RUFY3: variants seen among roughly 807,000 people sequenced by gnomAD.
RUFY3 encodes protein RUFY3.
In RUFY3, 34 loss-of-function variants were observed where a neutral mutation model predicts 84.0. The observed-to-expected ratio is 0.40, with a 90% CI of 0.31 to 0.54. The LOEUF (loss-of-function observed/expected upper bound fraction) is 0.54, where lower values mean the gene tolerates loss of function less well. Among genes scored for constraint, RUFY3 ranks in the 20% least tolerant of loss-of-function variants. The probability of loss-of-function intolerance (pLI) is 0.39; values close to 1 mark genes in which losing one functional copy is unlikely to be tolerated. For synonymous variants in RUFY3, 242 were observed against 252.9 expected (o/e 0.96, Z 0.41); for missense variants, 507 against 736.8 (o/e 0.69, Z 3.61).
rs577122340 is a variant in RUFY3, at chr4:70,791,382, T to A, written c.1337+1790T>A. 2.3e-3 allele frequency: 3,626 copies of A among 1,562,620 alleles called. 11 individuals carry two copies. The highest frequency in any genetic ancestry group is 2.4e-3 in the Non-Finnish European group (2,816 of 1,158,278). The stretch of plus-strand genomic sequence containing the variant: ...AATCTGAAAGTTACTACATTTAAGC[T>A]CTGATTCTATATAAAATGTCACCAA... On this transcript the variant is annotated intron_variant, in intron 12 of 17. Coordinates refer to ENST00000381006, the MANE Select transcript of RUFY3 (RefSeq NM_001037442.4).
At position 70,808,496 on chromosome 4, in the gene RUFY3, T is replaced by TGTC. The variant is rs1733039566; in HGVS notation, c.*1838_*1840dup. Among the ~76,000 whole-genome samples the TGTC allele has an allele frequency of 6.6e-6, 1 of 152,166 alleles. No homozygotes were observed. The highest frequency in any genetic ancestry group is 1.5e-5 in the Non-Finnish European group (1 of 68,024). On this transcript the variant is annotated 3_prime_UTR_variant, in exon 18 of 18. Coordinates refer to ENST00000381006, the MANE Select transcript of RUFY3 (RefSeq NM_001037442.4). ...TGGAACCATGTTTTTTAATAAATTC[T>TGTC]GTCTCTTGGAAAGAGTTAACAACAG...
At chr4:70,783,012 A>G (rs540938359) in intron 8 of RUFY3, 79 bp from the exon 9 acceptor site, 1 of 818,852 alleles carries the variant, frequency 1.2e-6, no homozygotes, top group Non-Finnish European at 1.9e-6. Context: ...TGAGAATTAC[A>G]TCCTAGCAGA....
chr4:70,769,758 G>C (rs1363247941), intron 5 of RUFY3, among the ~76,000 whole-genome samples: 1 of 152,162 alleles, frequency 6.6e-6, no homozygotes, highest in Non-Finnish European at 1.5e-5. Flanking sequence ...TAATACTCTA[G>C]TAAACCATGC....
intron 12 of RUFY3, chr4:70,792,368 T>C (rs772817076): frequency 3.7e-5 from 35 of 956,494 alleles, no homozygotes; most frequent in African/African-American, 1.2e-4. Context: ...GATAAACTTA[T>C]ATTCTTTATT....
At chr4:70,806,477 C>T (rs1397276183) in intron 17 of RUFY3, 39 bp from the exon 18 acceptor site, 2 of 1,610,668 alleles carry the variant, frequency 1.2e-6, no homozygotes, top group Middle Eastern at 1.7e-4. Flanking sequence ...TTATGCCTTG[C>T]TCATCTTCTA....
chr4:70,765,543 G>T (rs535554570), intron 4 of RUFY3, among the ~76,000 whole-genome samples: 1 of 152,198 alleles, frequency 6.6e-6, no homozygotes, highest in South Asian at 2.1e-4. Flanking sequence ...ATGTGTGAAT[G>T]TTGGAATTCA....
rs1226505997 is a variant in RUFY3, at chr4:70,808,538, T to C, written c.*1879T>C. 5.9e-5 allele frequency among the ~76,000 whole-genome samples: 9 copies of C among 152,194 alleles called. No homozygotes were observed. On this transcript the variant is annotated 3_prime_UTR_variant, in exon 18 of 18. Coordinates refer to ENST00000381006, the MANE Select transcript of RUFY3 (RefSeq NM_001037442.4). ...TAACAACAGCCTGGGAAAGAGTTGT[T>C]ATTCCAAAAGTCAGCCTGTTACTTG...
intron 12 of RUFY3, chr4:70,792,147 A>C: frequency 1.0e-6 from 1 of 984,638 alleles, no homozygotes; most frequent in Non-Finnish European, 1.2e-6. Flanking sequence ...ATGATGCAGT[A>C]CCCATTTTTC....
intron 1 of RUFY3, among the ~76,000 whole-genome samples, chr4:70,750,840 T>C (rs761639751): frequency 4.6e-5 from 7 of 152,172 alleles, no homozygotes; most frequent in Non-Finnish European, 8.8e-5. Context: ...AAAAATAAAA[T>C]ATGTGGTCTT....
intron 14 of RUFY3, among the ~76,000 whole-genome samples, chr4:70,798,334 A>C (rs1731782888): frequency 6.6e-6 from 1 of 152,092 alleles, no homozygotes; most frequent in African/African-American, 2.4e-5. Flanking sequence ...ATGCCACTGC[A>C]CTCCAGCCTG....
At chr4:70,796,981 C>T (rs902335389) in intron 14 of RUFY3, among the ~76,000 whole-genome samples, 4 of 150,268 alleles carry the variant, frequency 2.7e-5, no homozygotes, top group Non-Finnish European at 5.9e-5. Flanking sequence ...CTCATTCTCA[C>T]CTAGAACTGA....
Position 70,804,412 on chromosome 4 carries a change from C to T in RUFY3, c.1715C>T (p.Thr572Ile). 1 of 1,613,714 alleles carries T rather than the reference C, an allele frequency of 6.2e-7. No individual in the cohort carries two copies. The highest frequency in any genetic ancestry group is 8.5e-7 in the Non-Finnish European group (1 of 1,179,754). The change falls in exon 17 of 18, where the codon ACA (threonine) becomes ATA (isoleucine). Residue 572 changes from threonine to isoleucine, a missense_variant. By Grantham distance (89) the Thr-to-Ile change is moderately conservative (BLOSUM62 -1). This residue lies in a region of RUFY3 where 334 missense variants were observed against 364.1 expected (regional missense o/e 0.92). Transcript: ENST00000381006. ...CTATGCCAGGAAGACGGCAGCCTAA[C>T]AAAGGTAACTGTGATGAGAAACGGA... The part of the protein sequence containing the change: ...CQLCQEDGSL[T>I]KNVCKNCSGT...
intron 1 of RUFY3, among the ~76,000 whole-genome samples, chr4:70,744,205 T>C (rs980969999): frequency 2.6e-5 from 4 of 152,132 alleles, no homozygotes; most frequent in Non-Finnish European, 5.9e-5. Flanking sequence ...TTTTATTTTA[T>C]TTTATTTTTT....
At chr4:70,791,099 C>T in intron 12 of RUFY3, 1 of 819,410 alleles carries the variant, frequency 1.2e-6, no homozygotes, top group Non-Finnish European at 2.0e-6. Flanking sequence ...TTAAAGCAAA[C>T]AGAAAGAGAA....
intron 1 of RUFY3, among the ~76,000 whole-genome samples, chr4:70,756,164 C>T (rs996326389): frequency 6.6e-6 from 1 of 152,136 alleles, no homozygotes; most frequent in Non-Finnish European, 1.5e-5. Context: ...GATAGTCAAG[C>T]TATGAAATGC....
chr4:70,768,773 C>T, intron 5 of RUFY3, 112 bp downstream of exon 5: 1 of 989,334 alleles, frequency 1.0e-6, no homozygotes, highest in South Asian at 2.0e-5. Context: ...GAGTCATAAA[C>T]AGGATTTCCT....
intron 14 of RUFY3, among the ~76,000 whole-genome samples, chr4:70,795,796 G>A (rs1731430175): frequency 6.6e-6 from 1 of 152,100 alleles, no homozygotes; most frequent in African/African-American, 2.4e-5. Flanking sequence ...ATTAACTGAA[G>A]AAAAATTGGT....
chr4:70,705,315 G>A, intron 1 of RUFY3: 1 of 1,348,822 alleles, frequency 7.4e-7, no homozygotes, highest in Non-Finnish European at 9.5e-7. Flanking sequence ...GAGGGGCATG[G>A]GGACGCCCGC....
Position 70,722,288 on chromosome 4 carries a change from T to C in RUFY3, c.-286T>C. ...AAGGTGGGGGGCAGGGAAGGGAAGA[T>C]AAAAGGAGAGGAAGCTGGGAGAAGA... On this transcript the variant is annotated 5_prime_UTR_variant, in exon 1 of 18. Transcript: ENST00000381006. 8.1e-7 allele frequency: 1 copy of C among 1,234,866 alleles called. No homozygotes were observed. The highest frequency in any genetic ancestry group is 1.0e-6 in the Non-Finnish European group (1 of 990,298). 76.5% of individuals were successfully genotyped at this position (1,234,866 alleles called of 1,614,324 possible).
Sources: gnomAD v4.1 joint callset for allele counts (sites outside exome capture counted in the v4.1 genomes callset) on GRCh38, gnomAD v4.1.1 for gene constraint, gnomAD v4.1.1 regional missense constraint, MANE v1.5 for transcripts, NCBI Gene and HGNC (gene_info 2026-07-23, HGNC 2026-07-21) for gene names.